The following KHDRBS2 variants were observed in gnomAD, a reference collection of about 807,000 sequenced individuals.
KHDRBS2 encodes the protein KH domain-containing, RNA-binding, signal transduction-associated protein 2.
A neutral mutation model predicts 44.3 loss-of-function variants in KHDRBS2; 26 were observed. The observed-to-expected ratio is 0.59, with a 90% CI of 0.43 to 0.81. KHDRBS2 has a LOEUF of 0.81. Among genes scored for constraint, KHDRBS2 ranks in the 40% least tolerant of loss-of-function variants. The probability of loss-of-function intolerance (pLI) is 0.00; values close to 1 mark genes in which losing one functional copy is unlikely to be tolerated. For synonymous variants in KHDRBS2, 194 were observed against 151.1 expected, an observed-to-expected ratio of 1.28 and a Z score of -2.08; for missense variants, 476 against 433.1, an observed-to-expected ratio of 1.10 and a Z score of -0.88.
the KHDRBS2 span, chr6:61,630,319 C>T: frequency 2.0e-5 from 3 of 151,842 alleles, no homozygotes; most frequent in African/African-American, 4.8e-5. Flanking sequence ...CAAAGTTGAC[C>T]TCGGGAGTGA....
chr6:62,141,767 G>A (rs1241864377), intron 2 of KHDRBS2, among the ~76,000 whole-genome samples: 1 of 152,028 alleles, frequency 6.6e-6, no homozygotes, highest in Non-Finnish European at 1.5e-5. Flanking sequence ...AGGGTAAGTG[G>A]ATTTCCTTCG....
At chr6:61,606,685 T>A in the KHDRBS2 span, among the ~76,000 whole-genome samples, 1 of 152,120 alleles carries the variant, frequency 6.6e-6, no homozygotes, top group Non-Finnish European at 1.5e-5. Flanking sequence ...AGATGTAACC[T>A]CACAGGTAGC....
At chr6:62,029,615 G>A (rs1462931461) in intron 3 of KHDRBS2, among the ~76,000 whole-genome samples, 12 of 151,772 alleles carry the variant, frequency 7.9e-5, no homozygotes, top group Non-Finnish European at 1.5e-4. Context: ...TCTCCATTAC[G>A]TAAAATAGCT....
intron 2 of KHDRBS2, among the ~76,000 whole-genome samples, chr6:62,169,489 C>T (rs1269777371): frequency 6.6e-6 from 1 of 152,086 alleles, no homozygotes; most frequent in Non-Finnish European, 1.5e-5. Flanking sequence ...CTAGTGAACA[C>T]TGACCCAACG....
intron 6 of KHDRBS2, among the ~76,000 whole-genome samples, chr6:61,826,267 C>T (rs1481001146): frequency 4.6e-5 from 7 of 152,056 alleles, no homozygotes; most frequent in South Asian, 2.1e-4. Flanking sequence ...TGTTAAGACA[C>T]CCAAGCTCTC....
At chr6:62,065,388 G>A (rs1364991112) in intron 2 of KHDRBS2, among the ~76,000 whole-genome samples, 3 of 151,574 alleles carry the variant, frequency 2.0e-5, no homozygotes, top group Non-Finnish European at 4.4e-5. Context: ...CAACCCAAAT[G>A]TCCAACAATG....
At chr6:62,259,163 A>G (rs1837926886) in intron 1 of KHDRBS2, among the ~76,000 whole-genome samples, 1 of 152,034 alleles carries the variant, frequency 6.6e-6, no homozygotes, top group African/African-American at 2.4e-5. Context: ...CTGATTCTAA[A>G]TGAAATGTAT....
At chr6:61,835,882 T>A (rs775742219) in intron 6 of KHDRBS2, among the ~76,000 whole-genome samples, 1 of 151,950 alleles carries the variant, frequency 6.6e-6, no homozygotes, top group Non-Finnish European at 1.5e-5. Flanking sequence ...CTGATGACCA[T>A]CATTTATTTC....
At chr6:61,801,015 T>A (rs1743449) in intron 6 of KHDRBS2, among the ~76,000 whole-genome samples, 35,552 of 152,082 alleles carry the variant, frequency 0.23, 4,820 homozygotes, top group South Asian at 0.36. Flanking sequence ...GCCAAATACA[T>A]GCCTGCATTT....
At chr6:61,545,670 C>T in the KHDRBS2 span, among the ~76,000 whole-genome samples, 2 of 151,958 alleles carry the variant, frequency 1.3e-5, no homozygotes, top group Non-Finnish European at 2.9e-5. Flanking sequence ...CTGTTATAGA[C>T]TGAATGTTTG....
chr6:62,053,894 T>C (rs1789656832), intron 2 of KHDRBS2, among the ~76,000 whole-genome samples: 1 of 152,024 alleles, frequency 6.6e-6, no homozygotes, highest in Admixed American at 6.6e-5. Flanking sequence ...AAAGGTTAAT[T>C]GTATTTTTGT....
intron 2 of KHDRBS2, among the ~76,000 whole-genome samples, chr6:62,075,940 T>G (rs192891980): frequency 1.3e-5 from 2 of 151,668 alleles, no homozygotes; most frequent in Non-Finnish European, 2.9e-5. Context: ...ACCAAGGAAT[T>G]TTTTTGATCA....
At chr6:62,063,966 A>T (rs1419796894) in intron 2 of KHDRBS2, among the ~76,000 whole-genome samples, 1 of 148,858 alleles carries the variant, frequency 6.7e-6, no homozygotes, top group Non-Finnish European at 1.5e-5. Context: ...AAAAATCACA[A>T]GCGTTCTTAT....
intron 6 of KHDRBS2, among the ~76,000 whole-genome samples, chr6:61,778,124 A>G (rs1412092096): frequency 2.0e-5 from 3 of 152,164 alleles, no homozygotes; most frequent in African/African-American, 7.2e-5. Context: ...TTAATCTTAT[A>G]TCAGCCTTTG....
chr6:61,635,531 T>C, the KHDRBS2 span, among the ~76,000 whole-genome samples: 2,069 of 152,148 alleles, frequency 0.014, 50 homozygotes, highest in African/African-American at 0.048. Context: ...TCTAGTATTA[T>C]GGTTGCATAT....
At chr6:61,618,386 T>G in the KHDRBS2 span, among the ~76,000 whole-genome samples, 17 of 152,212 alleles carry the variant, frequency 1.1e-4, no homozygotes, top group African/African-American at 3.6e-4. Flanking sequence ...TTAAAGACAT[T>G]TTTAACATAT....
chr6:61,889,674 C>T (rs908991359), intron 6 of KHDRBS2, among the ~76,000 whole-genome samples: 6 of 152,144 alleles, frequency 3.9e-5, no homozygotes, highest in African/African-American at 1.4e-4. Flanking sequence ...CCCGCATGTT[C>T]TATTATCCAT....
chr6:61,609,366 G>T, the KHDRBS2 span, among the ~76,000 whole-genome samples: 2 of 151,972 alleles, frequency 1.3e-5, no homozygotes, highest in East Asian at 3.9e-4. Flanking sequence ...CTCAAAATCG[G>T]CAATGACGAC....
rs768977022 is a variant in KHDRBS2, at chr6:61,978,055, A to G, written c.483+11T>C. Reference sequence around the variant, plus strand: ...TAAGAAACATCTTTGTAAAAAATGAAAGACACTTACAGGAACCAGGAATTT... The same window carrying G: ...TAAGAAACATCTTTGTAAAAAATGAGAGACACTTACAGGAACCAGGAATTT... On this transcript the variant is annotated intron_variant, in intron 4 of 8. Coordinates refer to ENST00000281156, the MANE Select transcript of KHDRBS2 (RefSeq NM_152688.4). 28 of 1,570,978 alleles carry G rather than the reference A, an allele frequency of 1.8e-5. No individual in the cohort carries two copies. Among genetic ancestry groups the G allele is most frequent in the Non-Finnish European group, 2.3e-5 (27 of 1,164,904 alleles).
Sources: gnomAD v4.1 joint callset for allele counts (sites outside exome capture counted in the v4.1 genomes callset) on GRCh38, gnomAD v4.1.1 for gene constraint, MANE v1.5 for transcripts, NCBI Gene and HGNC (gene_info 2026-07-23, HGNC 2026-07-21) for gene names.